WDFY4: variants seen among roughly 807,000 people sequenced by gnomAD.
The protein encoded by WDFY4 is WDFY family member 4, also known as WD repeat- and FYVE domain-containing protein 4.
Under a neutral mutation model 351.9 loss-of-function variants are expected in WDFY4, and 169 were observed. The observed-to-expected ratio is 0.48, with a 90% CI of 0.42 to 0.55. The LOEUF (loss-of-function observed/expected upper bound fraction) is 0.55. Ranked by LOEUF, WDFY4 falls within the 20% of genes least tolerant of loss-of-function variation. The pLI, the probability that WDFY4 is intolerant of heterozygous loss-of-function variation, is 0.00. For synonymous variants in WDFY4, 1,622 were observed against 1,574.6 expected (o/e 1.03, Z -0.71); for missense variants, 3,803 against 3,935.6 (o/e 0.97, Z 0.90).
intron 52 of WDFY4, among the ~76,000 whole-genome samples, chr10:48,958,056 G>C (rs765824272): frequency 6.6e-6 from 1 of 152,130 alleles, no homozygotes; most frequent in Non-Finnish European, 1.5e-5. Context: ...GCCCCCCCTC[G>C]TCAGTGTTCT....
chr10:48,699,995 CTGGGGCTG>C (rs2063434372), intron 1 of WDFY4, among the ~76,000 whole-genome samples: 2 of 152,188 alleles, frequency 1.3e-5, no homozygotes, highest in Non-Finnish European at 2.9e-5. Flanking sequence ...CTTGTAAACT[CTGGGGCTG>C]GGGTTCAGAA....
chr10:48,962,810 G>A (rs1249777645), intron 53 of WDFY4, among the ~76,000 whole-genome samples: 4 of 152,210 alleles, frequency 2.6e-5, no homozygotes, highest in African/African-American at 9.7e-5. Flanking sequence ...CCCATCTGGA[G>A]TCAGTGAGCC....
chr10:48,799,563 A>G (rs889230670), intron 24 of WDFY4, among the ~76,000 whole-genome samples: 2 of 152,164 alleles, frequency 1.3e-5, no homozygotes, highest in African/African-American at 2.4e-5. Context: ...TCGTGAGGTC[A>G]GGGGTTCGGT....
chr10:48,769,177 G>C (rs923224530), intron 13 of WDFY4, among the ~76,000 whole-genome samples: 1 of 152,150 alleles, frequency 6.6e-6, no homozygotes, highest in Admixed American at 6.5e-5. Context: ...AGGAAGCCAG[G>C]CCCTTTACAT....
intron 1 of WDFY4, among the ~76,000 whole-genome samples, chr10:48,703,840 G>T (rs2063547840): frequency 6.6e-6 from 1 of 152,208 alleles, no homozygotes; most frequent in Non-Finnish European, 1.5e-5. Context: ...GGTGTGGGTT[G>T]TTACAATGCA....
chr10:48,931,404 T>G (rs1839996216), intron 47 of WDFY4, among the ~76,000 whole-genome samples: 1 of 152,178 alleles, frequency 6.6e-6, no homozygotes, highest in Non-Finnish European at 1.5e-5. Flanking sequence ...CAGCCGTTCC[T>G]GTTTCCCTCC....
Position 48,787,539 on chromosome 10 carries a change from T to C in WDFY4, c.3808+669T>C, listed in dbSNP as rs567487750. Among the ~76,000 whole-genome samples, 12 of 152,378 alleles carry C rather than the reference T, an allele frequency of 7.9e-5. No homozygotes were observed. In the South Asian group the frequency reaches 2.5e-3, roughly 32 times the overall value. ...TACTAGCACATTGGGTATCATTGAC[T>C]TAGAGACCAGTATGTTAATTCAAAC... On this transcript the variant is annotated intron_variant, in intron 20 of 61. Transcript: ENST00000325239.
intron 1 of WDFY4, among the ~76,000 whole-genome samples, chr10:48,693,568 G>A (rs1028797513): frequency 6.6e-6 from 1 of 152,224 alleles, no homozygotes; most frequent in Non-Finnish European, 1.5e-5. Context: ...CAAATATTCA[G>A]CTCTCAGAGG....
At chr10:48,768,229 A>C (rs1245198430) in intron 13 of WDFY4, among the ~76,000 whole-genome samples, 1 of 152,180 alleles carries the variant, frequency 6.6e-6, no homozygotes, top group Non-Finnish European at 1.5e-5. Context: ...GAGCAAGGTC[A>C]GTGCTCGGTC....
At chr10:48,748,259 T>G (rs949612162) in intron 12 of WDFY4, among the ~76,000 whole-genome samples, 7 of 152,246 alleles carry the variant, frequency 4.6e-5, no homozygotes, top group African/African-American at 1.4e-4. Flanking sequence ...TAGTTGAATG[T>G]CTATGGAGGC....
At chr10:48,862,796 G>A (rs147266828) in intron 39 of WDFY4, among the ~76,000 whole-genome samples, 1 of 152,128 alleles carries the variant, frequency 6.6e-6, no homozygotes, top group East Asian at 1.9e-4. Context: ...CCAGATATGT[G>A]CCACCATCAC....
At chr10:48,970,427 A>T in intron 57 of WDFY4, 138 bp downstream of exon 57, 1 of 1,227,638 alleles carries the variant, frequency 8.1e-7, no homozygotes, top group South Asian at 1.6e-5. Context: ...GGGCCCTGCC[A>T]CCCTCAGAAG....
At position 48,865,726 on chromosome 10, in the gene WDFY4, T is replaced by C. The variant is rs185011393; in HGVS notation, c.6664-1539T>C. 6.3e-3 allele frequency among the ~76,000 whole-genome samples: 955 copies of C among 152,320 alleles called. 5 individuals are homozygous for C. Among genetic ancestry groups the C allele is most frequent in the Non-Finnish European group, 9.7e-3 (663 of 68,028 alleles). ...TTTTCTTTGTGGGTAGGTTTTGTTG[T>C]TGTTGTTGTTTTACTAATTCAATTT... is the stretch of plus-strand genomic sequence containing the variant. On this transcript the variant is annotated intron_variant, in intron 39 of 61. Transcript: ENST00000325239.
At chr10:48,751,203 G>A (rs757185350) in intron 12 of WDFY4, among the ~76,000 whole-genome samples, 1 of 152,204 alleles carries the variant, frequency 6.6e-6, no homozygotes, top group Non-Finnish European at 1.5e-5. Context: ...AATGAAGTCT[G>A]GGGAGGAGGT....
At chr10:48,694,765 C>T (rs1173903144) in intron 1 of WDFY4, among the ~76,000 whole-genome samples, 1 of 152,184 alleles carries the variant, frequency 6.6e-6, no homozygotes, top group Non-Finnish European at 1.5e-5. Context: ...GACACTCACT[C>T]ACGCTGCCCG....
chr10:48,784,135 T>C (rs2066315785), intron 19 of WDFY4, among the ~76,000 whole-genome samples: 1 of 152,268 alleles, frequency 6.6e-6, no homozygotes, highest in Non-Finnish European at 1.5e-5. Context: ...CTATTACAAA[T>C]AAAGCTTTGT....
At chr10:48,819,167 G>A (rs2132977996) in intron 32 of WDFY4, among the ~76,000 whole-genome samples, 1 of 152,352 alleles carries the variant, frequency 6.6e-6, no homozygotes, top group Admixed American at 6.5e-5. Context: ...CACATCCCCA[G>A]CTGATCGCGG....
intron 44 of WDFY4, among the ~76,000 whole-genome samples, chr10:48,893,702 C>A (rs1036941008): frequency 2.6e-5 from 4 of 152,292 alleles, no homozygotes; most frequent in Non-Finnish European, 5.9e-5. Flanking sequence ...AGGTATAATT[C>A]TGGCAACAGT....
At chr10:48,866,159 C>A (rs2940729) in intron 39 of WDFY4, among the ~76,000 whole-genome samples, 65,638 of 151,836 alleles carry the variant, frequency 0.43, 15,403 homozygotes, top group East Asian at 0.71. Context: ...TCCCCAGTGT[C>A]TTCAGATGGA....
Sources: allele counts gnomAD v4.1 joint callset (sites outside exome capture counted in the v4.1 genomes callset), GRCh38; gene constraint gnomAD v4.1.1; transcripts MANE v1.5; gene names NCBI Gene and HGNC (gene_info 2026-07-23, HGNC 2026-07-21).